SLC4A5: variants seen among roughly 807,000 people sequenced by gnomAD.
The protein encoded by SLC4A5 is solute carrier family 4 member 5, also known as electrogenic sodium bicarbonate cotransporter 4.
A neutral mutation model predicts 120.4 loss-of-function variants in SLC4A5; 96 were observed. That is an observed-to-expected ratio of 0.80 (90% CI 0.68 to 0.94). The LOEUF (loss-of-function observed/expected upper bound fraction) is 0.94. Among genes scored for constraint, SLC4A5 ranks in the 40% least tolerant of loss-of-function variants. The probability of loss-of-function intolerance (pLI) is 0.00; values close to 1 mark genes in which losing one functional copy is unlikely to be tolerated. For missense variants in SLC4A5, 1,259 were observed against 1,459.5 expected (o/e 0.86, Z 2.24); for synonymous variants, 550 against 571.1 (o/e 0.96, Z 0.53).
At chr2:74,332,975 T>C (rs1673399395) in intron 4 of SLC4A5, among the ~76,000 whole-genome samples, 1 of 152,112 alleles carries the variant, frequency 6.6e-6, no homozygotes, top group African/African-American at 2.4e-5. Flanking sequence ...AAGTAAATGC[T>C]TGGGGGATAC....
intron 7 of SLC4A5, 52 bp downstream of exon 7, chr2:74,304,437 C>A: frequency 6.5e-7 from 1 of 1,537,866 alleles, no homozygotes; most frequent in Non-Finnish European, 8.8e-7. Flanking sequence ...TGGGTCCCAT[C>A]TGGACACACC....
At chr2:74,304,712 AG>A (rs767876871) in intron 6 of SLC4A5, 32 bp from the exon 7 acceptor site, 5 of 1,573,662 alleles carry the variant, frequency 3.2e-6, no homozygotes, top group Non-Finnish European at 4.3e-6. Context: ...CAGGGGAGGC[AG>A]GGTTACTGAA....
chr2:74,333,302 C>G (rs886400348), intron 4 of SLC4A5, among the ~76,000 whole-genome samples: 1 of 152,144 alleles, frequency 6.6e-6, no homozygotes. Context: ...CATTCAGTCT[C>G]TGGTTCTAGG....
intron 19 of SLC4A5, among the ~76,000 whole-genome samples, chr2:74,243,299 C>T (rs1205270235): frequency 6.6e-6 from 1 of 152,190 alleles, no homozygotes; most frequent in African/African-American, 2.4e-5. Flanking sequence ...GGCCAGGCTC[C>T]CCTGGGATGT....
intron 21 of SLC4A5, among the ~76,000 whole-genome samples, chr2:74,237,137 C>T (rs1039042490): frequency 4.6e-5 from 7 of 152,144 alleles, no homozygotes; most frequent in East Asian, 1.9e-4. Context: ...CCACAACGCC[C>T]GGCCAATTTT....
At chr2:74,244,405 C>T (rs149968421) in intron 19 of SLC4A5, among the ~76,000 whole-genome samples, 2 of 149,676 alleles carry the variant, frequency 1.3e-5, no homozygotes, top group Non-Finnish European at 3.0e-5. Flanking sequence ...CTCCCTCCCC[C>T]CTTCCTTCCC....
chr2:74,315,248 T>C (rs963911961), intron 5 of SLC4A5, among the ~76,000 whole-genome samples: 1 of 152,036 alleles, frequency 6.6e-6, no homozygotes, highest in African/African-American at 2.4e-5. Flanking sequence ...GAGACCAGCC[T>C]GGCCAATACA....
At chr2:74,284,951 C>T (rs1477352499) in intron 8 of SLC4A5, among the ~76,000 whole-genome samples, 5 of 152,194 alleles carry the variant, frequency 3.3e-5, no homozygotes, top group Non-Finnish European at 7.3e-5. Flanking sequence ...CCTGGCACAC[C>T]TTCTCCTTCC....
intron 20 of SLC4A5, among the ~76,000 whole-genome samples, chr2:74,239,914 C>T (rs1670383303): frequency 6.6e-6 from 1 of 151,992 alleles, no homozygotes; most frequent in South Asian, 2.1e-4. Flanking sequence ...GGGATCACCT[C>T]CCTTGTCAGT....
chr2:74,232,901 G>A (rs540975912), intron 23 of SLC4A5, among the ~76,000 whole-genome samples: 1 of 152,318 alleles, frequency 6.6e-6, no homozygotes. Context: ...TTGGGTCTCT[G>A]GGGAGAAGGG....
In SLC4A5 at chr2:74,290,406, G is replaced by A. The variant is rs1672119396; in HGVS notation, c.272-4504C>T. On this transcript the variant is annotated intron_variant, in intron 7 of 30. Transcript: ENST00000394019. ...CAGTTAAGCACCAGGGGAGGTGTGG[G>A]GAGAGAAGAAGGGGGGTTTGAGGGG... 6 of 985,294 alleles carry A rather than the reference G, an allele frequency of 6.1e-6. No individual in the cohort carries two copies. In the South Asian group the frequency reaches 1.9e-4, roughly 31 times the overall value. The allele number at this position is 985,294 out of a possible 1,614,324, so 61.0% of individuals were successfully genotyped here. A position where few individuals can be genotyped will look rare whatever the true frequency, so the allele number is the denominator to read the frequency against.
intron 5 of SLC4A5, among the ~76,000 whole-genome samples, chr2:74,326,591 C>T (rs13425553): frequency 0.026 from 3,941 of 152,212 alleles, 196 homozygotes; most frequent in African/African-American, 0.089. Context: ...GAGGACGAGG[C>T]GGGCAGATCA....
intron 17 of SLC4A5, among the ~76,000 whole-genome samples, chr2:74,248,986 A>G (rs570940831): frequency 3.3e-4 from 50 of 152,330 alleles, no homozygotes; most frequent in Admixed American, 3.0e-3. Flanking sequence ...CAATTCCCAT[A>G]TAGCAGGGTT....
At chr2:74,268,586 C>T (rs530031251) in intron 8 of SLC4A5, among the ~76,000 whole-genome samples, 1 of 152,284 alleles carries the variant, frequency 6.6e-6, no homozygotes, top group African/African-American at 2.4e-5. Context: ...ATCCTTGGTT[C>T]CTGCTCCACA....
rs534271403 is a variant in SLC4A5, at chr2:74,276,173, C to T, written c.401+9600G>A. ...GAAGGAGAGAAAAAGAGAAGAGGAGCGGGGAGAGGAGGGGAAATAAAAGGA... is the reference window on the plus strand; with the variant it reads ...GAAGGAGAGAAAAAGAGAAGAGGAGTGGGGAGAGGAGGGGAAATAAAAGGA... On this transcript the variant is annotated intron_variant, in intron 8 of 30. Transcript: ENST00000394019. Among the ~76,000 whole-genome samples, 30 of 151,800 alleles carry T rather than the reference C, an allele frequency of 2.0e-4. 2 individuals carry two copies. The highest frequency in any genetic ancestry group is 6.3e-4 in the African/African-American group (26 of 41,336).
intron 22 of SLC4A5, among the ~76,000 whole-genome samples, chr2:74,234,082 C>CA (rs542639587): frequency 0.075 from 11,339 of 150,240 alleles, 734 homozygotes; most frequent in Admixed American, 0.16. Context: ...CAAACAACAA[C>CA]AAAAAAAACC....
At chr2:74,290,610 GAGAC>G (rs1204032507) in intron 7 of SLC4A5, 6 of 975,600 alleles carry the variant, frequency 6.2e-6, no homozygotes, top group African/African-American at 1.9e-5. Context: ...GACAGAGAGA[GAGAC>G]AGAGAAGTGA....
chr2:74,300,884 G>T (rs1672460482), intron 7 of SLC4A5, among the ~76,000 whole-genome samples: 1 of 152,220 alleles, frequency 6.6e-6, no homozygotes, highest in Non-Finnish European at 1.5e-5. Context: ...CCTGCTGTGG[G>T]AATGAGGACC....
intron 28 of SLC4A5, 109 bp downstream of exon 28, chr2:74,224,730 GA>G: frequency 6.8e-7 from 1 of 1,463,118 alleles, no homozygotes; most frequent in Non-Finnish European, 9.2e-7. Flanking sequence ...GGACTGGGCC[GA>G]GGCACTGCTG....
Sources: allele counts gnomAD v4.1 joint callset (sites outside exome capture counted in the v4.1 genomes callset), GRCh38; gene constraint gnomAD v4.1.1; transcripts MANE v1.5; gene names NCBI Gene and HGNC (gene_info 2026-07-23, HGNC 2026-07-21).